The following PRKG1 variants were observed in gnomAD, a reference collection of about 807,000 sequenced individuals.
PRKG1 encodes cGMP-dependent protein kinase 1.
A neutral mutation model predicts 88.1 loss-of-function variants in PRKG1; 35 were observed. The ratio of observed to expected loss-of-function variants is 0.40; its 90% confidence interval spans 0.30 to 0.53. The LOEUF (loss-of-function observed/expected upper bound fraction) is 0.53. Among genes scored for constraint, PRKG1 ranks in the 20% least tolerant of loss-of-function variants. The pLI, the probability that PRKG1 is intolerant of heterozygous loss-of-function variation, is 0.59. For synonymous variants in PRKG1, 303 were observed against 292.5 expected, an observed-to-expected ratio of 1.04 and a Z score of -0.37; for missense variants, 540 against 839.8, an observed-to-expected ratio of 0.64 and a Z score of 4.41.
At chr10:51,477,055 A>G (rs1401367194) in intron 3 of PRKG1, among the ~76,000 whole-genome samples, 2 of 151,892 alleles carry the variant, frequency 1.3e-5, no homozygotes, top group East Asian at 1.9e-4. Context: ...TTTCTAAACT[A>G]TATCTCTCTC....
chr10:52,207,407 C>A (rs957993560), intron 9 of PRKG1, among the ~76,000 whole-genome samples: 1 of 152,132 alleles, frequency 6.6e-6, no homozygotes, highest in South Asian at 2.1e-4. Context: ...GCTGGAGCTC[C>A]AGTACAGGCC....
At chr10:52,284,430 A>G (rs879873522) in intron 14 of PRKG1, among the ~76,000 whole-genome samples, 31 of 151,754 alleles carry the variant, frequency 2.0e-4, no homozygotes, top group Admixed American at 1.5e-3. Flanking sequence ...AACAGCATTA[A>G]AAAAATCTTT....
At chr10:52,026,020 T>C (rs1845327415) in intron 5 of PRKG1, among the ~76,000 whole-genome samples, 1 of 151,772 alleles carries the variant, frequency 6.6e-6, no homozygotes. Flanking sequence ...GCCACACATC[T>C]ACAACCATCT....
intron 5 of PRKG1, among the ~76,000 whole-genome samples, chr10:51,955,561 C>T (rs551567311): frequency 5.9e-5 from 9 of 152,184 alleles, no homozygotes; most frequent in Non-Finnish European, 8.8e-5. Flanking sequence ...ATGAAGATTT[C>T]GTAGGCAAAA....
intron 3 of PRKG1, among the ~76,000 whole-genome samples, chr10:51,647,686 AT>A (rs1401484952): frequency 6.6e-6 from 1 of 152,132 alleles, no homozygotes; most frequent in Non-Finnish European, 1.5e-5. Flanking sequence ...CTCGTTGTTG[AT>A]TTTTTAAGTC....
intron 2 of PRKG1, among the ~76,000 whole-genome samples, chr10:51,163,826 C>G (rs569023441): frequency 2.0e-5 from 3 of 152,152 alleles, no homozygotes; most frequent in Non-Finnish European, 4.4e-5. Flanking sequence ...ACTGCAAGGC[C>G]GCAGCGAGGC....
In PRKG1 at chr10:52,217,236, A is replaced by G. The variant is rs185555832; in HGVS notation, c.1077-34334A>G. Among the ~76,000 whole-genome samples the G allele has an allele frequency of 7.2e-5, 11 of 152,042 alleles. No homozygotes were observed. In the East Asian group the frequency reaches 1.7e-3, roughly 24 times the overall value. On this transcript the variant is annotated intron_variant, in intron 9 of 17. Transcript: ENST00000373980. ...TATCCTACTTCCTTTTGTTGTGTTT[A>G]TTTTTAATTGGGGAGGAATAAGTAC... is the stretch of plus-strand genomic sequence containing the variant.
At chr10:51,870,780 T>TCA (rs1399865421) in intron 4 of PRKG1, among the ~76,000 whole-genome samples, 1 of 152,172 alleles carries the variant, frequency 6.6e-6, no homozygotes, top group Middle Eastern at 3.2e-3. Flanking sequence ...TTTGCAACCT[T>TCA]CAATGTAGTG....
rs1252161534 is a variant in PRKG1, at chr10:52,143,802, CA to C, written c.1001+9898del. On this transcript the variant is annotated intron_variant, in intron 8 of 17. Coordinates refer to ENST00000373980, the MANE Select transcript of PRKG1 (RefSeq NM_006258.4). Reference sequence around the variant, plus strand: ...TGCCAGTCAACCCGATCCACTTTTACAGAGCAGTTAAAAGAGTAAATTTTGG... The same window carrying C: ...TGCCAGTCAACCCGATCCACTTTTACGAGCAGTTAAAAGAGTAAATTTTGG... Among the ~76,000 whole-genome samples the C allele has an allele frequency of 2.0e-5, 3 of 152,232 alleles. No individual in the cohort carries two copies. In the East Asian group the frequency reaches 5.8e-4, roughly 29 times the overall value.
intron 4 of PRKG1, among the ~76,000 whole-genome samples, chr10:51,862,213 C>T (rs1024350059): frequency 5.3e-5 from 8 of 152,274 alleles, no homozygotes; most frequent in Non-Finnish European, 1.0e-4. Flanking sequence ...CATTTGTTCC[C>T]ACTGCCCATA....
At chr10:51,571,130 A>T (rs1837742100) in intron 3 of PRKG1, among the ~76,000 whole-genome samples, 1 of 151,908 alleles carries the variant, frequency 6.6e-6, no homozygotes, top group African/African-American at 2.4e-5. Context: ...AGTGAAATGG[A>T]GATAATAAAC....
At chr10:51,233,127 A>G (rs1435378458) in intron 2 of PRKG1, among the ~76,000 whole-genome samples, 1 of 152,186 alleles carries the variant, frequency 6.6e-6, no homozygotes, top group Non-Finnish European at 1.5e-5. Context: ...AGGCAAAGAT[A>G]AGAACCTGGT....
intron 5 of PRKG1, among the ~76,000 whole-genome samples, chr10:52,005,264 T>G (rs1844702807): frequency 6.6e-6 from 1 of 151,090 alleles, no homozygotes; most frequent in Non-Finnish European, 1.5e-5. Context: ...TTTTTTTTTT[T>G]TTTTTTTCAT....
intron 1 of PRKG1, among the ~76,000 whole-genome samples, chr10:51,028,459 C>T (rs752591463): frequency 6.6e-6 from 1 of 151,996 alleles, no homozygotes; most frequent in Non-Finnish European, 1.5e-5. Context: ...GCTGTATTCT[C>T]AATGAAAGCC....
intron 3 of PRKG1, among the ~76,000 whole-genome samples, chr10:51,731,734 G>A (rs1488093658): frequency 6.6e-6 from 1 of 152,230 alleles, no homozygotes; most frequent in Non-Finnish European, 1.5e-5. Flanking sequence ...TTTGGAGAGA[G>A]AGATTTGGAA....
chr10:51,763,914 A>G (rs368207685), intron 3 of PRKG1, among the ~76,000 whole-genome samples: 1 of 152,102 alleles, frequency 6.6e-6, no homozygotes, highest in South Asian at 2.1e-4. Flanking sequence ...TTTCTTATAA[A>G]GCCACCAGTG....
At chr10:51,064,095 T>C (rs1394946277) in intron 1 of PRKG1, among the ~76,000 whole-genome samples, 2 of 152,082 alleles carry the variant, frequency 1.3e-5, no homozygotes, top group African/African-American at 2.4e-5. Context: ...GCTAAAAATA[T>C]TATTTTTAAC....
intron 3 of PRKG1, among the ~76,000 whole-genome samples, chr10:51,622,327 C>T (rs1460383615): frequency 6.6e-6 from 1 of 152,232 alleles, no homozygotes; most frequent in African/African-American, 2.4e-5. Flanking sequence ...CACCTTCAGG[C>T]TTCTTTACCT....
intron 3 of PRKG1, among the ~76,000 whole-genome samples, chr10:51,695,040 A>G (rs749526218): frequency 6.6e-5 from 10 of 152,120 alleles, no homozygotes; most frequent in Non-Finnish European, 1.3e-4. Flanking sequence ...TGTGCTCTTA[A>G]TGGGATTTTT....
Sources: allele counts gnomAD v4.1 joint callset (sites outside exome capture counted in the v4.1 genomes callset), GRCh38; gene constraint gnomAD v4.1.1; transcripts MANE v1.5; gene names NCBI Gene and HGNC (gene_info 2026-07-23, HGNC 2026-07-21).